Variants in BANK1 observed in about 807,000 individuals in gnomAD.
BANK1 encodes the protein B-cell scaffold protein with ankyrin repeats.
In BANK1, 95 loss-of-function variants were observed where a neutral mutation model predicts 94.5. That is an observed-to-expected ratio of 1.00 (90% CI 0.85 to 1.19). The LOEUF is 1.19. Ranked by LOEUF, BANK1 falls within the 50% of genes most tolerant of loss-of-function variation. BANK1 has a pLI of 0.00. For missense variants in BANK1, 987 were observed against 932.2 expected (o/e 1.06, Z -0.77); for synonymous variants, 334 against 308.4 (o/e 1.08, Z -0.87).
intron 6 of BANK1, among the ~76,000 whole-genome samples, chr4:101,912,819 G>A (rs1722709559): frequency 6.6e-6 from 1 of 151,800 alleles, no homozygotes; most frequent in Admixed American, 6.6e-5. Flanking sequence ...AGATTTCCTA[G>A]ATTTACTTCC....
At chr4:102,050,196 C>A (rs544851160) in intron 11 of BANK1, among the ~76,000 whole-genome samples, 1 of 152,310 alleles carries the variant, frequency 6.6e-6, no homozygotes, top group African/African-American at 2.4e-5. Flanking sequence ...TTGCCTTGCT[C>A]TCTCCTGTGC....
At chr4:102,048,703 G>A (rs1189399007) in intron 11 of BANK1, among the ~76,000 whole-genome samples, 8 of 152,140 alleles carry the variant, frequency 5.3e-5, no homozygotes, top group African/African-American at 1.9e-4. Context: ...AGGGAAAAGG[G>A]ATGATGAGAG....
chr4:101,863,164 C>G (rs1322305437), intron 4 of BANK1, among the ~76,000 whole-genome samples: 1 of 151,848 alleles, frequency 6.6e-6, no homozygotes, highest in Non-Finnish European at 1.5e-5. Context: ...CCTCATCTCA[C>G]TTACAAAGCT....
At chr4:101,917,731 T>C (rs1397529483) in intron 6 of BANK1, among the ~76,000 whole-genome samples, 2 of 151,844 alleles carry the variant, frequency 1.3e-5, no homozygotes, top group African/African-American at 4.8e-5. Flanking sequence ...TTTAAGAGGT[T>C]GATGTGGCTT....
intron 1 of BANK1, among the ~76,000 whole-genome samples, chr4:101,815,670 T>C (rs2148856494): frequency 6.6e-6 from 1 of 152,244 alleles, no homozygotes; most frequent in South Asian, 2.1e-4. Flanking sequence ...TAAAAATTAA[T>C]AGGTTTTAAA....
At chr4:101,866,526 C>T (rs922850939) in intron 4 of BANK1, among the ~76,000 whole-genome samples, 1 of 151,984 alleles carries the variant, frequency 6.6e-6, no homozygotes, top group Non-Finnish European at 1.5e-5. Flanking sequence ...AAAATATTGA[C>T]ACCTATTCAT....
At chr4:101,856,108 T>A (rs1205902977) in intron 3 of BANK1, among the ~76,000 whole-genome samples, 4 of 152,088 alleles carry the variant, frequency 2.6e-5, no homozygotes, top group Non-Finnish European at 5.9e-5. Flanking sequence ...TCACTGACCT[T>A]TGGGTGGGTC....
chr4:101,803,714 A>T (rs1161201569), intron 1 of BANK1, among the ~76,000 whole-genome samples: 2 of 152,134 alleles, frequency 1.3e-5, no homozygotes, highest in African/African-American at 4.8e-5. Flanking sequence ...AATATATAAA[A>T]AGGCCGGGCG....
intron 2 of BANK1, among the ~76,000 whole-genome samples, chr4:101,854,313 T>G (rs1018152935): frequency 6.6e-6 from 1 of 152,150 alleles, no homozygotes; most frequent in Admixed American, 6.6e-5. Flanking sequence ...CTTAACACAT[T>G]TTTTCAAATA....
chr4:102,037,071 T>C (rs912037187), intron 10 of BANK1, among the ~76,000 whole-genome samples: 1 of 152,258 alleles, frequency 6.6e-6, no homozygotes, highest in Non-Finnish European at 1.5e-5. Flanking sequence ...GATGTTACTA[T>C]TTGTTAAAAG....
chr4:102,057,277 G>GCTCT (rs1179416462), intron 11 of BANK1, among the ~76,000 whole-genome samples: 3 of 129,038 alleles, frequency 2.3e-5, no homozygotes, highest in Admixed American at 7.5e-5. Context: ...TCTCTCTCCT[G>GCTCT]CTCTCTCTCT....
chr4:101,847,879 G>A (rs1488048689), intron 2 of BANK1, among the ~76,000 whole-genome samples: 1 of 152,056 alleles, frequency 6.6e-6, no homozygotes, highest in East Asian at 1.9e-4. Context: ...TGGCCAGGAA[G>A]CTTCTTGCCC....
At chr4:102,052,349 C>G (rs1728081473) in intron 11 of BANK1, among the ~76,000 whole-genome samples, 1 of 151,914 alleles carries the variant, frequency 6.6e-6, no homozygotes, top group African/African-American at 2.4e-5. Flanking sequence ...ATCTCTTGAC[C>G]TCATGATCCA....
chr4:101,819,637 TTGAG>T (rs1292574761), intron 1 of BANK1, among the ~76,000 whole-genome samples: 1 of 152,218 alleles, frequency 6.6e-6, no homozygotes, highest in Non-Finnish European at 1.5e-5. Flanking sequence ...TCTCTAATGA[TTGAG>T]TGTTACCATT....
At chr4:101,881,512 C>T (rs1453477808) in intron 5 of BANK1, among the ~76,000 whole-genome samples, 2 of 152,000 alleles carry the variant, frequency 1.3e-5, no homozygotes, top group Non-Finnish European at 2.9e-5. Flanking sequence ...TTTGGAGGTT[C>T]CTGAAGAAAC....
intron 7 of BANK1, among the ~76,000 whole-genome samples, chr4:101,973,162 C>T (rs1349534262): frequency 1.3e-5 from 2 of 151,854 alleles, no homozygotes; most frequent in African/African-American, 4.8e-5. Flanking sequence ...CTCACCACAA[C>T]CAATGTCAAG....
chr4:101,908,896 G>C (rs1396333083), intron 6 of BANK1, among the ~76,000 whole-genome samples: 1 of 152,178 alleles, frequency 6.6e-6, no homozygotes, highest in Non-Finnish European at 1.5e-5. Context: ...TCATTAAAAA[G>C]TCAGGAAACA....
At chr4:102,056,830 AC>A (rs976506481) in intron 11 of BANK1, among the ~76,000 whole-genome samples, 2 of 152,020 alleles carry the variant, frequency 1.3e-5, no homozygotes, top group African/African-American at 4.8e-5. Flanking sequence ...ATATTGCGAG[AC>A]CCCATCTTTA....
intron 10 of BANK1, among the ~76,000 whole-genome samples, chr4:102,034,004 A>G (rs1727413437): frequency 6.6e-6 from 1 of 150,396 alleles, no homozygotes; most frequent in Non-Finnish European, 1.5e-5. Flanking sequence ...TGCATTTCAC[A>G]GAGTAAGAGC....
Sources: gnomAD v4.1 joint callset for allele counts (sites outside exome capture counted in the v4.1 genomes callset) on GRCh38, gnomAD v4.1.1 for gene constraint, MANE v1.5 for transcripts, NCBI Gene and HGNC (gene_info 2026-07-23, HGNC 2026-07-21) for gene names.